The following MEIS1 variants were observed in gnomAD, a reference collection of about 807,000 sequenced individuals.
MEIS1 encodes Meis homeobox 1.
Under a neutral mutation model 50.8 loss-of-function variants are expected in MEIS1, and 5 were observed. The ratio of observed to expected loss-of-function variants is 0.10; its 90% CI spans 0.05 to 0.21. MEIS1 has a LOEUF of 0.21. Among genes scored for constraint, MEIS1 ranks in the 10% least tolerant of loss-of-function variants. The probability of loss-of-function intolerance (pLI) is 1.00; values close to 1 mark genes in which losing one functional copy is unlikely to be tolerated. For synonymous variants in MEIS1, 176 were observed against 179.3 expected, an observed-to-expected ratio of 0.98 and a Z score of 0.15; for missense variants, 318 against 517.3, an observed-to-expected ratio of 0.61 and a Z score of 3.74.
chr2:66,565,777 T>A (rs1257938834), intron 9 of MEIS1, among the ~76,000 whole-genome samples: 1 of 152,208 alleles, frequency 6.6e-6, no homozygotes, highest in Non-Finnish European at 1.5e-5. Flanking sequence ...TAATGAACAG[T>A]ACCATAGATA....
chr2:66,453,784 T>C (rs1672328026), intron 6 of MEIS1, among the ~76,000 whole-genome samples: 1 of 151,984 alleles, frequency 6.6e-6, no homozygotes, highest in African/African-American at 2.4e-5. Flanking sequence ...CAAAGTATAA[T>C]GCTATGAGGT....
intron 10 of MEIS1, 82 bp from the exon 11 acceptor site, chr2:66,568,585 T>G (rs1047186287): frequency 2.3e-5 from 24 of 1,038,224 alleles, no homozygotes; most frequent in Admixed American, 1.7e-4. Context: ...TTCTCTGGTA[T>G]GTTCTCCTCT....
At chr2:66,561,402 A>T (rs1675209144) in intron 9 of MEIS1, among the ~76,000 whole-genome samples, 1 of 152,214 alleles carries the variant, frequency 6.6e-6, no homozygotes, top group South Asian at 2.1e-4. Context: ...AAGATTTTTC[A>T]TGAGGTTTAA....
chr2:66,451,933 A>G (rs1035944901), intron 6 of MEIS1, among the ~76,000 whole-genome samples: 5 of 152,114 alleles, frequency 3.3e-5, no homozygotes, highest in African/African-American at 1.2e-4. Context: ...CTGAAGGAAA[A>G]AAAAAGCTCT....
At chr2:66,517,259 A>G (rs1275313542) in intron 8 of MEIS1, among the ~76,000 whole-genome samples, 1 of 152,124 alleles carries the variant, frequency 6.6e-6, no homozygotes, top group Non-Finnish European at 1.5e-5. Context: ...TTCTTCTTCA[A>G]ACTAGTCCTA....
intron 8 of MEIS1, among the ~76,000 whole-genome samples, chr2:66,527,636 G>C (rs1013066250): frequency 1.0e-4 from 15 of 143,514 alleles, no homozygotes; most frequent in Non-Finnish European, 2.3e-4. Context: ...GTGTGTGTGT[G>C]TGTGTTGGGG....
intron 8 of MEIS1, among the ~76,000 whole-genome samples, chr2:66,546,508 A>C (rs1343978293): frequency 6.6e-6 from 1 of 152,150 alleles, no homozygotes; most frequent in East Asian, 1.9e-4. Flanking sequence ...CTGAAAGGGA[A>C]GCAGGAAATA....
chr2:66,544,432 A>T lies in MEIS1; in HGVS notation c.889-3511A>T, dbSNP rs988683961. Among the ~76,000 whole-genome samples the T allele has an allele frequency of 4.6e-5, 7 of 152,162 alleles. No individual in the cohort carries two copies. The East Asian group carries it at 1.3e-3, about 29-fold the overall frequency. On this transcript the variant is annotated intron_variant, in intron 8 of 12. Transcript: ENST00000272369. ...TTAACTACATGAAGTCACGGCTTTCATGTGATTCTAGCAATTACAGACTTT... is the reference window on the plus strand; with the variant it reads ...TTAACTACATGAAGTCACGGCTTTCTTGTGATTCTAGCAATTACAGACTTT...
intron 8 of MEIS1, among the ~76,000 whole-genome samples, chr2:66,544,499 C>G (rs1674740954): frequency 6.6e-6 from 1 of 152,000 alleles, no homozygotes; most frequent in Non-Finnish European, 1.5e-5. Context: ...AGGCCAAGAA[C>G]TATGAGAAAA....
intron 8 of MEIS1, among the ~76,000 whole-genome samples, chr2:66,543,034 C>T (rs1397021597): frequency 1.3e-5 from 2 of 152,126 alleles, no homozygotes; most frequent in East Asian, 1.9e-4. Flanking sequence ...CTTGTAAATA[C>T]CAGATAACCA....
At chr2:66,532,034 A>C (rs143407210) in intron 8 of MEIS1, among the ~76,000 whole-genome samples, 44 of 151,714 alleles carry the variant, frequency 2.9e-4, no homozygotes, top group African/African-American at 9.9e-4. Context: ...TTTTTTTCTG[A>C]AACTAGTTAT....
chr2:66,561,133 T>G (rs1675203427), intron 9 of MEIS1, among the ~76,000 whole-genome samples: 1 of 152,080 alleles, frequency 6.6e-6, no homozygotes, highest in Non-Finnish European at 1.5e-5. Context: ...AATTTCAGAG[T>G]GATTTTTTTA....
intron 12 of MEIS1, 26 bp downstream of exon 12, chr2:66,569,171 T>A (rs1675423828): frequency 1.3e-5 from 21 of 1,577,326 alleles, no homozygotes; most frequent in Non-Finnish European, 1.8e-5. Flanking sequence ...GTCTTTGTTT[T>A]CACTTTGTCC....
At chr2:66,477,211 A>G (rs1672914938) in intron 7 of MEIS1, among the ~76,000 whole-genome samples, 1 of 152,170 alleles carries the variant, frequency 6.6e-6, no homozygotes, top group African/African-American at 2.4e-5. Flanking sequence ...AGTTATTCAG[A>G]AATGTTGCAG....
At chr2:66,459,925 C>T (rs891648102) in intron 6 of MEIS1, among the ~76,000 whole-genome samples, 1 of 151,934 alleles carries the variant, frequency 6.6e-6, no homozygotes, top group Non-Finnish European at 1.5e-5. Context: ...GTCTAAAGAC[C>T]AAAGAAGAAA....
At chr2:66,562,996 A>G (rs1051926882) in intron 9 of MEIS1, among the ~76,000 whole-genome samples, 1 of 152,188 alleles carries the variant, frequency 6.6e-6, no homozygotes, top group African/African-American at 2.4e-5. Context: ...CAAGAATCCC[A>G]ATGTATGGCA....
chr2:66,465,813 A>G (rs1672622135), intron 7 of MEIS1, among the ~76,000 whole-genome samples: 1 of 152,200 alleles, frequency 6.6e-6, no homozygotes, highest in Admixed American at 6.5e-5. Context: ...GAGGATTTTC[A>G]GATAGCAAAT....
chr2:66,435,743 CTTTTTTTTTTTTTT>C lies in MEIS1; in HGVS notation c.-103_-90del, dbSNP rs70943697. The C allele has an allele frequency of 1.2e-5, 4 of 336,530 alleles. No individual in the cohort carries two copies. The allele number at this position is 336,530 out of a possible 1,614,324, so 20.8% of individuals were successfully genotyped here. On this transcript the variant is annotated 5_prime_UTR_variant, in exon 1 of 13. Coordinates refer to ENST00000272369, the MANE Select transcript of MEIS1 (RefSeq NM_002398.3). ...AGACGTTAAGGGATTTTTCGTCGTGCTTTTTTTTTTTTTTTTTTTTTTTTCCGGGGGAGTTTGAA... is the reference window on the plus strand; with the variant it reads ...AGACGTTAAGGGATTTTTCGTCGTGCTTTTTTTTTTCCGGGGGAGTTTGAA...
chr2:66,556,484 A>G (rs1675067677), intron 9 of MEIS1, among the ~76,000 whole-genome samples: 1 of 119,612 alleles, frequency 8.4e-6, no homozygotes, highest in Admixed American at 1.1e-4. Flanking sequence ...TAATATTGAT[A>G]AAGTCACTTT....
Sources: allele counts gnomAD v4.1 joint callset (sites outside exome capture counted in the v4.1 genomes callset), GRCh38; gene constraint gnomAD v4.1.1; transcripts MANE v1.5; gene names NCBI Gene and HGNC (gene_info 2026-07-23, HGNC 2026-07-21).